RALYL: variants seen among roughly 807,000 people sequenced by gnomAD.
RALYL encodes the protein RALY RNA binding protein like.
A neutral mutation model predicts 35.1 loss-of-function variants in RALYL; 29 were observed. That is an observed-to-expected ratio of 0.83 (90% confidence interval 0.61 to 1.13). RALYL has a LOEUF of 1.13. Among genes scored for constraint, RALYL ranks in the 50% most tolerant of loss-of-function variants. The pLI is 0.00. For missense variants in RALYL, 359 were observed against 360.4 expected (o/e 1.00, Z 0.03); for synonymous variants, 120 against 127.6 (o/e 0.94, Z 0.40).
In RALYL at chr8:84,253,630, T is replaced by C. The variant is rs1229029634; in HGVS notation, c.-24+69206T>C. Among the ~76,000 whole-genome samples, 3 of 152,122 alleles carry C rather than the reference T, an allele frequency of 2.0e-5. No individual in the cohort carries two copies. In the East Asian group the frequency reaches 5.8e-4, roughly 29 times the overall value. The stretch of plus-strand genomic sequence containing the variant: ...ACCCCCGGGGTGCTGTTACAGTTCT[T>C]GTATCAGACCTTAAAATAGAAAAGA... On this transcript the variant is annotated intron_variant, in intron 1 of 8. Transcript: ENST00000521268.
intron 1 of RALYL, among the ~76,000 whole-genome samples, chr8:84,275,412 T>C (rs1835168904): frequency 6.6e-6 from 1 of 152,144 alleles, no homozygotes; most frequent in Admixed American, 6.5e-5. Context: ...ACTAACTTTT[T>C]TGTTACTGCA....
rs564218601 is a variant in RALYL at position 84,285,647 on chromosome 8, A to T, written c.-24+101223A>T. ...AGGAGGTGAGAGAAGAGTTATAGGG[A>T]TATCTTGGGAAGAAGATACTTCGCT... is the stretch of plus-strand genomic sequence containing the variant. On this transcript the variant is annotated intron_variant, in intron 1 of 8. Transcript: ENST00000521268. Among the ~76,000 whole-genome samples the T allele has an allele frequency of 1.3e-3, 198 of 152,266 alleles. 4 individuals are homozygous for T. Among genetic ancestry groups the T allele is most frequent in the Non-Finnish European group, 1.0e-3 (70 of 68,032 alleles).
chr8:84,494,027 A>G (rs113050416), intron 1 of RALYL, among the ~76,000 whole-genome samples: 9,751 of 152,060 alleles, frequency 0.064, 330 homozygotes, highest in East Asian at 0.14. Flanking sequence ...TAGGGTTTTT[A>G]TGGTTTTGGG....
chr8:84,681,366 G>GT (rs1835449730), intron 2 of RALYL, among the ~76,000 whole-genome samples: 2 of 152,158 alleles, frequency 1.3e-5, no homozygotes, highest in African/African-American at 2.4e-5. Context: ...CATTAAAGTA[G>GT]TTTTTTCCAA....
At chr8:84,740,572 T>C (rs1848102746) in intron 2 of RALYL, among the ~76,000 whole-genome samples, 1 of 152,058 alleles carries the variant, frequency 6.6e-6, no homozygotes, top group African/African-American at 2.4e-5. Context: ...AAGTGTGCAA[T>C]ACAGTATTGT....
chr8:84,900,814 T>C lies in RALYL; in HGVS notation c.858+13038T>C, dbSNP rs542830670. 4.6e-5 allele frequency among the ~76,000 whole-genome samples: 7 copies of C among 152,106 alleles called. No homozygotes were observed. The East Asian group carries it at 5.8e-4, about 13-fold the overall frequency. On this transcript the variant is annotated intron_variant, in intron 8 of 8. Coordinates refer to ENST00000521268, the MANE Select transcript of RALYL (RefSeq NM_173848.7). ...GTTAGTGTCATAGCAAAAATAGCAA[T>C]GGATGAAGTTAAAAAAGCAAGGAAG...
intron 1 of RALYL, among the ~76,000 whole-genome samples, chr8:84,455,497 G>C (rs995020372): frequency 2.0e-5 from 3 of 151,922 alleles, no homozygotes; most frequent in African/African-American, 7.2e-5. Context: ...ATCCCAAATT[G>C]CTCAGATTTT....
intron 1 of RALYL, among the ~76,000 whole-genome samples, chr8:84,294,556 T>C (rs1404069104): frequency 2.0e-5 from 3 of 152,084 alleles, no homozygotes; most frequent in Non-Finnish European, 1.5e-5. Context: ...ATCAATTCAT[T>C]ATTCTAAAAG....
chr8:84,283,530 A>C (rs1161320056), intron 1 of RALYL, among the ~76,000 whole-genome samples: 1 of 152,088 alleles, frequency 6.6e-6, no homozygotes. Flanking sequence ...ACCGTCATGT[A>C]ATTAACATGG....
At chr8:84,185,096 G>A in intron 1 of RALYL, 1 of 1,458,072 alleles carries the variant, frequency 6.9e-7, no homozygotes, top group Non-Finnish European at 9.6e-7. Context: ...TTTTTTCCCT[G>A]TTGTGTTGCG....
intron 1 of RALYL, among the ~76,000 whole-genome samples, chr8:84,418,907 C>A (rs1043673157): frequency 2.0e-5 from 3 of 152,100 alleles, no homozygotes; most frequent in Admixed American, 6.6e-5. Context: ...CCTGAAACCT[C>A]ATTTCCATCT....
chr8:84,861,423 G>T (rs914614266), intron 5 of RALYL, among the ~76,000 whole-genome samples: 2 of 152,114 alleles, frequency 1.3e-5, no homozygotes, highest in African/African-American at 4.8e-5. Flanking sequence ...TTTTATAAAT[G>T]AGTTAACCCT....
intron 1 of RALYL, among the ~76,000 whole-genome samples, chr8:84,188,714 A>T (rs1353613448): frequency 2.6e-5 from 4 of 152,110 alleles, no homozygotes; most frequent in Non-Finnish European, 5.9e-5. Flanking sequence ...CCTTCCTTTT[A>T]TTATTAAATT....
intron 1 of RALYL, among the ~76,000 whole-genome samples, chr8:84,483,687 T>C (rs999623870): frequency 3.9e-5 from 6 of 152,128 alleles, no homozygotes; most frequent in African/African-American, 1.4e-4. Context: ...AGGGCAGATA[T>C]TATCAAACTA....
At chr8:84,213,428 A>C (rs183098834) in intron 1 of RALYL, among the ~76,000 whole-genome samples, 3 of 152,332 alleles carry the variant, frequency 2.0e-5, no homozygotes, top group Admixed American at 2.0e-4. Flanking sequence ...AATTTTTAAA[A>C]AGCAAAAAAG....
rs1376805171 is a variant in RALYL at position 84,595,803 on chromosome 8, C to A, written c.256+66226C>A. Among the ~76,000 whole-genome samples, 12 of 135,486 alleles carry A rather than the reference C, an allele frequency of 8.9e-5. No individual in the cohort carries two copies. The East Asian group carries it at 2.3e-3, about 26-fold the overall frequency. 88.9% of individuals were successfully genotyped at this position (135,486 alleles called of 152,430 possible). ...TTTTTTGGCATCCAAGAAATCAGAGCAAATGGGATTTGTAGTATGAGCCTG... is the reference window on the plus strand; with the variant it reads ...TTTTTTGGCATCCAAGAAATCAGAGAAAATGGGATTTGTAGTATGAGCCTG... On this transcript the variant is annotated intron_variant, in intron 2 of 8. Transcript: ENST00000521268.
intron 2 of RALYL, among the ~76,000 whole-genome samples, chr8:84,588,774 G>A (rs1812558700): frequency 6.6e-6 from 1 of 152,172 alleles, no homozygotes; most frequent in Non-Finnish European, 1.5e-5. Flanking sequence ...TCAAATGGAG[G>A]GAAAGGAACA....
At chr8:84,252,101 A>C (rs1830307086) in intron 1 of RALYL, among the ~76,000 whole-genome samples, 1 of 152,072 alleles carries the variant, frequency 6.6e-6, no homozygotes, top group African/African-American at 2.4e-5. Context: ...TCCTTATATA[A>C]CATGGAACCG....
At chr8:84,682,475 G>T (rs531480181) in intron 2 of RALYL, among the ~76,000 whole-genome samples, 55 of 151,970 alleles carry the variant, frequency 3.6e-4, no homozygotes, top group Non-Finnish European at 6.2e-4. Flanking sequence ...GGTCCTGGAC[G>T]TTTTTTGGTT....
Sources: allele counts gnomAD v4.1 joint callset (sites outside exome capture counted in the v4.1 genomes callset), GRCh38; gene constraint gnomAD v4.1.1; transcripts MANE v1.5; gene names NCBI Gene and HGNC (gene_info 2026-07-23, HGNC 2026-07-21).